The following GALNT13 variants were observed in gnomAD, a reference collection of about 807,000 sequenced individuals.
The protein encoded by GALNT13 is polypeptide N-acetylgalactosaminyltransferase 13, also known as UDP-GalNAc:polypeptide N-acetylgalactosaminyltransferase 13.
GALNT13 carries 28 observed loss-of-function variants against 64.2 expected under a neutral mutation model. That is an observed-to-expected ratio of 0.44 (90% CI 0.32 to 0.60). The LOEUF is 0.60. GALNT13 is among the 20% of genes least tolerant of loss of function. The pLI, the probability that GALNT13 is intolerant of heterozygous loss-of-function variation, is 0.05. For synonymous variants in GALNT13, 214 were observed against 224.6 expected (o/e 0.95, Z 0.42); for missense variants, 577 against 669.8 (o/e 0.86, Z 1.53).
chr2:154,455,767 G>A (rs1304540899), downstream of GALNT13, among the ~76,000 whole-genome samples: 5 of 152,178 alleles, frequency 3.3e-5, no homozygotes, highest in Admixed American at 2.6e-4. Context: ...AAATTCTAAA[G>A]ACAATTTTCA....
At chr2:153,334,782 T>C in the GALNT13 span, among the ~76,000 whole-genome samples, 1 of 152,198 alleles carries the variant, frequency 6.6e-6, no homozygotes, top group Non-Finnish European at 1.5e-5. Flanking sequence ...TTCTTCTTTT[T>C]TCTTTAAATA....
the GALNT13 span, among the ~76,000 whole-genome samples, chr2:153,714,770 T>G: frequency 6.6e-6 from 1 of 152,166 alleles, no homozygotes; most frequent in Non-Finnish European, 1.5e-5. Flanking sequence ...TTCCAATTCT[T>G]GTGTGTTATG....
At chr2:153,469,743 A>G in the GALNT13 span, among the ~76,000 whole-genome samples, 1 of 152,162 alleles carries the variant, frequency 6.6e-6, no homozygotes, top group South Asian at 2.1e-4. Context: ...CAGTTTGGGT[A>G]ATGCTGAGTA....
At chr2:154,110,380 G>GAC (rs1702912258) in intron 3 of GALNT13, among the ~76,000 whole-genome samples, 2 of 129,606 alleles carry the variant, frequency 1.5e-5, no homozygotes, top group Non-Finnish European at 3.3e-5. Flanking sequence ...GAGAGAGACA[G>GAC]AGAGAGAGAG....
chr2:153,244,188 C>G, the GALNT13 span, among the ~76,000 whole-genome samples: 2 of 152,058 alleles, frequency 1.3e-5, no homozygotes, highest in Non-Finnish European at 2.9e-5. Context: ...GGAAAGCTGT[C>G]TCCTCTATCA....
chr2:153,714,748 A>G, the GALNT13 span, among the ~76,000 whole-genome samples: 1 of 152,224 alleles, frequency 6.6e-6, no homozygotes, highest in Non-Finnish European at 1.5e-5. Flanking sequence ...TCATAGGTCT[A>G]TACCCTTTGG....
the GALNT13 span, among the ~76,000 whole-genome samples, chr2:153,459,491 A>C: frequency 2.0e-5 from 3 of 152,138 alleles, no homozygotes; most frequent in African/African-American, 4.8e-5. Flanking sequence ...CCAAACAAAC[A>C]AAAGATAAAC....
At chr2:153,726,962 A>C in the GALNT13 span, among the ~76,000 whole-genome samples, 3 of 151,780 alleles carry the variant, frequency 2.0e-5, no homozygotes, top group African/African-American at 7.3e-5. Flanking sequence ...AAAAACAAAA[A>C]AAAAACCACA....
intron 3 of GALNT13, among the ~76,000 whole-genome samples, chr2:154,083,126 A>G (rs980328649): frequency 6.6e-6 from 1 of 152,082 alleles, no homozygotes; most frequent in Non-Finnish European, 1.5e-5. Flanking sequence ...AGTTTTCTGC[A>G]TATGGCTAGC....
intron 3 of GALNT13, among the ~76,000 whole-genome samples, chr2:154,103,816 C>T (rs66751218): frequency 0.19 from 28,382 of 152,020 alleles, 3,373 homozygotes; most frequent in Non-Finnish European, 0.26. Flanking sequence ...ATGTATTTGG[C>T]GTATGAACCC....
chr2:153,646,607 C>T, the GALNT13 span, among the ~76,000 whole-genome samples: 1 of 151,610 alleles, frequency 6.6e-6, no homozygotes, highest in Admixed American at 6.6e-5. Flanking sequence ...TGCTATCTCT[C>T]CCCCCTCCCC....
the GALNT13 span, among the ~76,000 whole-genome samples, chr2:153,305,058 A>T: frequency 1.3e-5 from 2 of 152,120 alleles, no homozygotes; most frequent in African/African-American, 4.8e-5. Context: ...TTTTACTTTG[A>T]TTCAGGCATT....
the GALNT13 span, among the ~76,000 whole-genome samples, chr2:153,821,143 T>A: frequency 6.6e-6 from 1 of 152,164 alleles, no homozygotes; most frequent in African/African-American, 2.4e-5. Context: ...ACAATGATAG[T>A]GGGGAGCTTC....
At chr2:153,763,013 C>T in the GALNT13 span, among the ~76,000 whole-genome samples, 24 of 151,826 alleles carry the variant, frequency 1.6e-4, no homozygotes, top group African/African-American at 5.8e-4. Context: ...TGTAGAGTTA[C>T]AAAACTCTAC....
intron 8 of GALNT13, among the ~76,000 whole-genome samples, chr2:154,267,494 G>A (rs1442674279): frequency 1.3e-5 from 2 of 152,076 alleles, no homozygotes; most frequent in South Asian, 4.2e-4. Flanking sequence ...ACAAAAATTA[G>A]CTGGGCGTGG....
At chr2:153,324,097 C>A in the GALNT13 span, among the ~76,000 whole-genome samples, 3 of 152,158 alleles carry the variant, frequency 2.0e-5, no homozygotes, top group Admixed American at 6.5e-5. Flanking sequence ...GCCATTTTCA[C>A]AATATTGATT....
chr2:153,759,738 G>A, the GALNT13 span, among the ~76,000 whole-genome samples: 1 of 151,714 alleles, frequency 6.6e-6, no homozygotes, highest in African/African-American at 2.4e-5. Flanking sequence ...CGGGATTTTT[G>A]CATTTATTTT....
chr2:153,873,214 G>T (rs1686109878), intron 1 of GALNT13, among the ~76,000 whole-genome samples: 1 of 152,148 alleles, frequency 6.6e-6, no homozygotes, highest in Non-Finnish European at 1.5e-5. Context: ...GGTCAGTGGG[G>T]ACGCGGAGGA....
chr2:153,707,337 C>T, the GALNT13 span, among the ~76,000 whole-genome samples: 8 of 152,134 alleles, frequency 5.3e-5, no homozygotes, highest in African/African-American at 1.9e-4. Context: ...TATTATTATA[C>T]ACATCATTCA....
Sources: gnomAD v4.1 joint callset for allele counts (sites outside exome capture counted in the v4.1 genomes callset) on GRCh38, gnomAD v4.1.1 for gene constraint, MANE v1.5 for transcripts, NCBI Gene and HGNC (gene_info 2026-07-23, HGNC 2026-07-21) for gene names.